Variants in CCP110 observed in about 807,000 individuals in gnomAD.
The protein encoded by CCP110 is centriolar coiled-coil protein 110.
In CCP110, 43 loss-of-function variants were observed where a neutral mutation model predicts 105.5. The ratio of observed to expected loss-of-function variants is 0.41; its 90% CI spans 0.32 to 0.53. The LOEUF (loss-of-function observed/expected upper bound fraction) is 0.53, where lower values mean the gene tolerates loss of function less well. CCP110 is among the 20% of genes least tolerant of loss of function. The probability of loss-of-function intolerance (pLI) is 0.32; values close to 1 mark genes in which losing one functional copy is unlikely to be tolerated. For synonymous variants in CCP110, 353 were observed against 392.1 expected (o/e 0.90, Z 1.18); for missense variants, 1,016 against 1,189.1 (o/e 0.85, Z 2.14).
At chr16:19,538,159 G>T (rs1278825598) in intron 4 of CCP110, among the ~76,000 whole-genome samples, 2 of 151,970 alleles carry the variant, frequency 1.3e-5, no homozygotes, top group Non-Finnish European at 2.9e-5. Context: ...CCCGGTTCAG[G>T]CAATTCTCAT....
chr16:19,535,594 T>G (rs1970022956), intron 3 of CCP110, among the ~76,000 whole-genome samples: 1 of 152,186 alleles, frequency 6.6e-6, no homozygotes, highest in African/African-American at 2.4e-5. Flanking sequence ...TAGAAGAAAT[T>G]TAAGTGCTTG....
chr16:19,543,554 A>C (rs1970361364), intron 8 of CCP110, among the ~76,000 whole-genome samples: 1 of 152,282 alleles, frequency 6.6e-6, no homozygotes, highest in Admixed American at 6.5e-5. Flanking sequence ...ACCATAACTG[A>C]CTGCCTGCGA....
At chr16:19,546,068 C>G in intron 11 of CCP110, 178 bp downstream of exon 11, 1 of 554,294 alleles carries the variant, frequency 1.8e-6, no homozygotes, top group Non-Finnish European at 3.2e-6. Context: ...CTCATTTCAT[C>G]TTAGATGAAT....
intron 1 of CCP110, among the ~76,000 whole-genome samples, chr16:19,524,370 G>A (rs2285659): frequency 0.15 from 23,336 of 152,142 alleles, 1,857 homozygotes; most frequent in Admixed American, 0.2. Flanking sequence ...GCTGGGGAGA[G>A]GGCAGGGGGC....
Position 19,540,633 on chromosome 16 carries a change from T to C in CCP110, c.1919-24T>C, listed in dbSNP as rs150628164. ...ACATTAGACTTGTGAATTTTCTAAA[T>C]TGAGGAAACATGTTTCTTTTCAGAA... is the stretch of plus-strand genomic sequence containing the variant. On this transcript the variant is annotated intron_variant, in intron 4 of 14. Coordinates refer to ENST00000381396, the Ensembl canonical transcript of CCP110. 6,068 of 1,596,930 alleles carry C rather than the reference T, an allele frequency of 3.8e-3. 20 individuals are homozygous for C. The highest frequency in any genetic ancestry group is 4.1e-3 in the Non-Finnish European group (4,850 of 1,169,116).
chr16:19,552,990 G>A lies in CCP110; in HGVS notation c.*1742G>A, dbSNP rs577047274. 2.0e-5 allele frequency: 3 copies of A among 152,298 alleles called. No individual in the cohort carries two copies. The East Asian group carries it at 5.8e-4, about 29-fold the overall frequency. The allele number at this position is 152,298 out of a possible 1,614,324, so 9.4% of individuals were successfully genotyped here. On this transcript the variant is annotated 3_prime_UTR_variant, in exon 15 of 15. Transcript: ENST00000381396. The stretch of plus-strand genomic sequence containing the variant: ...TTGTCTTCTTAATATGATAAACTGT[G>A]CTTTATCATTCTGAAAACTCAGGAT...
intron 3 of CCP110, among the ~76,000 whole-genome samples, chr16:19,535,648 G>A (rs1163267914): frequency 2.0e-5 from 3 of 152,170 alleles, no homozygotes; most frequent in African/African-American, 7.2e-5. Context: ...ATATATGTGT[G>A]TGTGTATACA....
chr16:19,524,216 T>C (rs8057847), intron 1 of CCP110, 128 bp downstream of exon 1: 23,367 of 152,198 alleles, frequency 0.15, 1,856 homozygotes, highest in Admixed American at 0.2. Context: ...TCGAGCCCCC[T>C]GGAAAGGCGC....
chr16:19,536,088 A>T (rs1277456209), exon 4 of CCP110: 1 of 1,614,132 alleles, frequency 6.2e-7, no homozygotes. Flanking sequence ...GCAAAGCTTG[A>T]TAAGATAGCT....
chr16:19,543,961 A>C (rs567782299), intron 8 of CCP110, among the ~76,000 whole-genome samples: 7 of 152,230 alleles, frequency 4.6e-5, no homozygotes, highest in African/African-American at 1.7e-4. Flanking sequence ...GTTTCCTCAG[A>C]AGCATGTGAT....
intron 11 of CCP110, 44 bp downstream of exon 11, chr16:19,545,934 AT>A: frequency 9.0e-7 from 1 of 1,116,892 alleles, no homozygotes; most frequent in Non-Finnish European, 1.3e-6. Flanking sequence ...AAACCAATTA[AT>A]TTTAGTCATC....
rs958639433 is a variant in CCP110 at position 19,541,829 on chromosome 16, A to G, written c.2050-58A>G. 5 of 979,298 alleles carry G rather than the reference A, an allele frequency of 5.1e-6. No individual in the cohort carries two copies. In the African/African-American group the frequency reaches 8.3e-5, roughly 16 times the overall value. 60.7% of individuals were successfully genotyped at this position (979,298 alleles called of 1,614,324 possible). ...TACTTTTGGCTAAGCCTAAAATGATATCATTTTGGGACATAATTAAAAGGT... is the reference window on the plus strand; with the variant it reads ...TACTTTTGGCTAAGCCTAAAATGATGTCATTTTGGGACATAATTAAAAGGT... On this transcript the variant is annotated intron_variant, in intron 5 of 14. Transcript: ENST00000381396.
chr16:19,534,966 C>T (rs549772767), intron 3 of CCP110, among the ~76,000 whole-genome samples: 76 of 150,904 alleles, frequency 5.0e-4, no homozygotes, highest in African/African-American at 1.7e-3. Flanking sequence ...CTGCAAGCTC[C>T]GCCTCCCAGA....
At chr16:19,549,470 T>A (rs1970565428) in intron 14 of CCP110, among the ~76,000 whole-genome samples, 1 of 152,238 alleles carries the variant, frequency 6.6e-6, no homozygotes, top group Non-Finnish European at 1.5e-5. Flanking sequence ...GGTCGTAACT[T>A]TGAAATGATG....
intron 3 of CCP110, among the ~76,000 whole-genome samples, chr16:19,533,120 A>C (rs1435572910): frequency 2.6e-5 from 4 of 152,258 alleles, no homozygotes; most frequent in East Asian, 1.9e-4. Flanking sequence ...AAAGAAAAAC[A>C]AATGAATTAG....
exon 4 of CCP110, chr16:19,537,401 G>T: frequency 1.2e-6 from 2 of 1,613,362 alleles, no homozygotes; most frequent in Non-Finnish European, 1.7e-6. Flanking sequence ...ACAATTTTTG[G>T]ATAACAGTTT....
At chr16:19,536,303 G>T in exon 4 of CCP110, 1 of 1,613,176 alleles carries the variant, frequency 6.2e-7, no homozygotes, top group Non-Finnish European at 8.5e-7. Context: ...TGAACAACAG[G>T]ATCTACCACT....
chr16:19,545,790 G>A, intron 10 of CCP110, 27 bp from the exon 11 acceptor site: 1 of 1,351,684 alleles, frequency 7.4e-7, no homozygotes, highest in East Asian at 2.3e-5. Flanking sequence ...TTCCAGTAGA[G>A]TTTGACGTTA....
chr16:19,537,117 A>G lies in CCP110; in HGVS notation c.1448A>G (p.Gln483Arg), dbSNP rs1383387062. The G allele has an allele frequency of 1.2e-6, 2 of 1,614,098 alleles. No individual in the cohort carries two copies. Among genetic ancestry groups the G allele is most frequent in the Non-Finnish European group, 1.7e-6 (2 of 1,180,040 alleles). ...CATGGACTTGTTACTGTGGAAGGTCAGTTAACATCCGATGAGAGAGGCGCA... is the reference window on the plus strand; with the variant it reads ...CATGGACTTGTTACTGTGGAAGGTCGGTTAACATCCGATGAGAGAGGCGCA... Residue 483 changes from glutamine to arginine, a missense_variant, in exon 4 of 15, where the codon CAG becomes CGG. Coordinates refer to ENST00000381396, the Ensembl canonical transcript of CCP110.
Sources: allele counts gnomAD v4.1 joint callset (sites outside exome capture counted in the v4.1 genomes callset), GRCh38; gene constraint gnomAD v4.1.1; transcripts MANE v1.5; gene names NCBI Gene and HGNC (gene_info 2026-07-23, HGNC 2026-07-21).